ASPM: variants seen among roughly 807,000 people sequenced by gnomAD.
ASPM encodes the protein assembly factor for spindle microtubules.
Under a neutral mutation model 366.4 loss-of-function variants are expected in ASPM, and 256 were observed. That is an observed-to-expected ratio of 0.70 (90% confidence interval 0.63 to 0.77). ASPM has a LOEUF of 0.77. ASPM is among the 30% of genes least tolerant of loss of function. The pLI is 0.00. For missense variants in ASPM, 4,146 were observed against 4,090.4 expected, an observed-to-expected ratio of 1.01 and a Z score of -0.37; for synonymous variants, 1,414 against 1,342.9, an observed-to-expected ratio of 1.05 and a Z score of -1.16.
rs201881549 is a variant in ASPM at position 197,101,258 on chromosome 1, G to A, written c.7993C>T (p.Arg2665Cys). The change falls in exon 18 of 28, where the codon CGT (arginine) becomes TGT (cysteine). Residue 2665 changes from arginine (R) to cysteine (C), a missense_variant. By Grantham distance (180) the Arg-to-Cys change is radical (BLOSUM62 -3). This residue lies in a region of ASPM where 3,624 missense variants were observed against 3,591.7 expected (regional missense o/e 1.01). Coordinates refer to ENST00000367409, the MANE Select transcript of ASPM (RefSeq NM_018136.5). ...QRRYRKLTAV[R>C]TQAVICIQSY... ...TGTATACAAATAACTGCTTGGGTAC[G>A]CACTGCAGTTAGTTTTCTGTATCTT... is the stretch of plus-strand genomic sequence containing the variant. 34 of 1,611,440 alleles carry A rather than the reference G, an allele frequency of 2.1e-5. 2 individuals are homozygous for A. The highest frequency in any genetic ancestry group is 1.8e-4 in the East Asian group (8 of 44,746).
rs1216253586 is a variant in ASPM, at chr1:197,128,685, A to C, written c.2761-20T>G. On this transcript the variant is annotated intron_variant, in intron 9 of 27. Coordinates refer to ENST00000367409, the MANE Select transcript of ASPM (RefSeq NM_018136.5). ...ACTAGCCTATAAAGAAATAAGTTCCAGATATTATATTCCAATATTATAATT... is the reference window on the plus strand; with the variant it reads ...ACTAGCCTATAAAGAAATAAGTTCCCGATATTATATTCCAATATTATAATT... 6.4e-7 allele frequency: 1 copy of C among 1,561,342 alleles called. No homozygotes were observed. The highest frequency in any genetic ancestry group is 2.3e-5 in the East Asian group (1 of 42,996).
Position 197,122,048 on chromosome 1 carries a change from A to C in ASPM, c.3742-5T>G, listed in dbSNP as rs769619335. On this transcript the variant is annotated splice_region_variant and splice_polypyrimidine_tract_variant and intron_variant, in intron 15 of 27. Transcript: ENST00000367409. ...TGACAAATAGGTAATAACCACCTAA[A>C]AAAAACCCACAAAAGATAAAAACAG... 1 of 1,611,742 alleles carries C rather than the reference A, an allele frequency of 6.2e-7. No individual in the cohort carries two copies. The highest frequency in any genetic ancestry group is 1.1e-5 in the South Asian group (1 of 90,958).
Position 197,101,168 on chromosome 1 carries a change from T to A in ASPM, c.8083A>T (p.Ile2695Phe). ...CTGTGCATTCGATAGAATGACTGAA[T>A]TAGTGTGGCAGCCCGGTGCATATTT... The part of the protein sequence containing the change: ...IQNMHRAATL[I>F]QSFYRMHRAK... Residue 2695 changes from isoleucine (I) to phenylalanine (F), a missense_variant, in exon 18 of 28, where the codon ATT (isoleucine) becomes TTT (phenylalanine). Coordinates refer to ENST00000367409, the MANE Select transcript of ASPM (RefSeq NM_018136.5). 1 of 1,612,486 alleles carries A rather than the reference T, an allele frequency of 6.2e-7. No individual in the cohort carries two copies. The highest frequency in any genetic ancestry group is 8.5e-7 in the Non-Finnish European group (1 of 1,179,100).
Position 197,144,246 on chromosome 1 carries a change from C to A in ASPM, c.298-146G>T, listed in dbSNP as rs898790577. 1.9e-5 allele frequency: 11 copies of A among 593,960 alleles called. No individual in the cohort carries two copies. The South Asian group carries it at 2.5e-4, about 14-fold the overall frequency. The allele number at this position is 593,960 out of a possible 1,614,324, so 36.8% of individuals were successfully genotyped here. On this transcript the variant is annotated intron_variant, in intron 1 of 27. Coordinates refer to ENST00000367409, the MANE Select transcript of ASPM (RefSeq NM_018136.5). ...AACATTTAATAAATCAAATATATTT[C>A]TCCTACCCTATCTGCTTAATTATAA...
intron 4 of ASPM, chr1:197,138,758 C>T (rs922073409): frequency 2.5e-5 from 18 of 721,708 alleles, no homozygotes; most frequent in South Asian, 1.1e-4. Context: ...TTATTTCTTA[C>T]GATGTTTGTC....
intron 17 of ASPM, among the ~76,000 whole-genome samples, chr1:197,112,801 T>G (rs774671528): frequency 1.3e-4 from 20 of 152,078 alleles, no homozygotes; most frequent in Admixed American, 2.6e-4. Flanking sequence ...CTCCCTAAAA[T>G]GTATAAAACC....
intron 4 of ASPM, among the ~76,000 whole-genome samples, chr1:197,137,400 A>G (rs1343174018): frequency 6.6e-6 from 1 of 152,196 alleles, no homozygotes; most frequent in East Asian, 1.9e-4. Context: ...AAGACCATTT[A>G]GTAAAATTTT....
chr1:197,098,019 C>G (rs115407329), intron 18 of ASPM, among the ~76,000 whole-genome samples: 2,782 of 149,440 alleles, frequency 0.019, 90 homozygotes, highest in African/African-American at 0.064. Flanking sequence ...TATATATACA[C>G]ACACACACAT....
intron 27 of ASPM, among the ~76,000 whole-genome samples, chr1:197,085,393 C>T (rs374073628): frequency 6.6e-6 from 1 of 152,120 alleles, no homozygotes; most frequent in East Asian, 1.9e-4. Context: ...AGTTTATAAT[C>T]TCAAACTTAT....
chr1:197,128,533 C>A lies in ASPM; in HGVS notation c.2893G>T (p.Val965Phe), dbSNP rs778251863. 6.2e-7 allele frequency: 1 copy of A among 1,613,760 alleles called. No individual in the cohort carries two copies. Among genetic ancestry groups the A allele is most frequent in the Admixed American group, 1.7e-5 (1 of 59,992 alleles). The change falls in exon 10 of 28, where the codon GTT (valine) becomes TTT (phenylalanine). Residue 965 changes from valine (V) to phenylalanine (F), a missense_variant. Transcript: ENST00000367409. The part of the protein sequence containing the change: ...QTPFDEFDFA[V>F]TNLAVDLQCG... The stretch of plus-strand genomic sequence containing the variant: ...TGCAAGTCTACGGCAAGATTTGTAA[C>A]GGCAAAATCAAATTCATCAAATGGT...
chr1:197,100,748 T>C lies in ASPM; in HGVS notation c.8503A>G (p.Thr2835Ala). ...ATCCGTAGGGCAGCACATTTCTGTG[T>C]TTCCAGTTTTCTTGTGACCATTCTA... is the stretch of plus-strand genomic sequence containing the variant. ...FCRMVTRKLE[T>A]QKCAALRIQF... The change falls in exon 18 of 28, where the codon ACA becomes GCA. Residue 2835 changes from threonine to alanine, a missense_variant. Physicochemically the swap from Thr to Ala is moderately conservative, Grantham distance 58. This residue lies in a region of ASPM where 3,624 missense variants were observed against 3,591.7 expected (regional missense o/e 1.01). Transcript: ENST00000367409. 3 of 1,612,492 alleles carry C rather than the reference T, an allele frequency of 1.9e-6. No individual in the cohort carries two copies. Among genetic ancestry groups the C allele is most frequent in the Non-Finnish European group, 2.5e-6 (3 of 1,179,106 alleles).
chr1:197,143,004 T>G lies in ASPM; in HGVS notation c.1248A>C (p.Ser416=), dbSNP rs142271395. The G allele has an allele frequency of 3.7e-6, 6 of 1,613,710 alleles. No individual in the cohort carries two copies. Among genetic ancestry groups the G allele is most frequent in the Non-Finnish European group, 5.1e-6 (6 of 1,179,804 alleles). The stretch of plus-strand genomic sequence containing the variant: ...ACTGTGGGACTTGAGAATTTTCATT[T>G]GATAATGGTACTTTACATGTTTGCT... ...TSQQTCKVPL[S]NENSQVPQSP... The change falls in exon 3 of 28, where the codon TCA becomes TCC. Residue 416 remains serine (S), a synonymous_variant. Coordinates refer to ENST00000367409, the MANE Select transcript of ASPM (RefSeq NM_018136.5).
intron 10 of ASPM, among the ~76,000 whole-genome samples, chr1:197,128,122 C>T (rs992186934): frequency 1.3e-5 from 2 of 151,796 alleles, no homozygotes; most frequent in African/African-American, 4.8e-5. Context: ...CGAGACCTTG[C>T]CAGTGCCCTC....
In ASPM at chr1:197,121,978, A is replaced by G; in HGVS notation, c.3807T>C (p.Ala1269=). 1.2e-6 allele frequency: 2 copies of G among 1,611,486 alleles called. No homozygotes were observed. Among genetic ancestry groups the G allele is most frequent in the Middle Eastern group, 1.7e-4 (1 of 6,050 alleles). The change falls in exon 16 of 28, where the codon GCT becomes GCC. Residue 1269 remains alanine (A), a synonymous_variant. Coordinates refer to ENST00000367409, the MANE Select transcript of ASPM (RefSeq NM_018136.5). The part of the protein sequence containing the change: ...RLLDLRKEIR[A]ARLIQTTWRK... The stretch of plus-strand genomic sequence containing the variant: ...TCCATGTTGTTTGTATGAGTCGAGC[A>G]GCTCTTATTTCTTTACGAAGATCCA...
intron 4 of ASPM, among the ~76,000 whole-genome samples, chr1:197,136,607 G>A (rs1658427196): frequency 6.6e-6 from 1 of 151,804 alleles, no homozygotes; most frequent in South Asian, 2.1e-4. Flanking sequence ...AATTTTCATA[G>A]TAAACAAAAA....
rs1657478377 is a variant in ASPM, at chr1:197,108,419, AG to A, written c.4066-3235del. Among the ~76,000 whole-genome samples the A allele has an allele frequency of 2.6e-5, 4 of 152,208 alleles. No individual in the cohort carries two copies. In the South Asian group the frequency reaches 8.3e-4, roughly 32 times the overall value. On this transcript the variant is annotated intron_variant, in intron 17 of 27. Coordinates refer to ENST00000367409, the MANE Select transcript of ASPM (RefSeq NM_018136.5). ...ACTGAGCAGAGACCAATGAAGCCAA[AG>A]GGTTGTCCACTGAAAAGATCAAGAG...
Position 197,093,147 on chromosome 1 carries a change from C to T in ASPM, c.9199G>A (p.Glu3067Lys), listed in dbSNP as rs770005663. 2 of 1,612,252 alleles carry T rather than the reference C, an allele frequency of 1.2e-6. No homozygotes were observed. The highest frequency in any genetic ancestry group is 1.7e-6 in the Non-Finnish European group (2 of 1,178,836). The change falls in exon 21 of 28, where the codon GAG becomes AAG. Residue 3067 changes from glutamate (E) to lysine (K), a missense_variant. By Grantham distance (56) the Glu-to-Lys change is moderately conservative (BLOSUM62 1). This residue lies in a region of ASPM where 3,624 missense variants were observed against 3,591.7 expected (regional missense o/e 1.01). Transcript: ENST00000367409. ...TTTATCCTTTCATGCTTTCCAGCCT[C>T]CCTGGCTCGTATATATTTTTGTATG... is the stretch of plus-strand genomic sequence containing the variant. ...LIIQKYIRAR[E>K]AGKHERIKYI...
rs775402156 is a variant in ASPM, at chr1:197,124,110, C to G, written c.3390G>C (p.Lys1130Asn). 6.2e-7 allele frequency: 1 copy of G among 1,603,894 alleles called. No homozygotes were observed. Among genetic ancestry groups the G allele is most frequent in the Non-Finnish European group, 8.5e-7 (1 of 1,172,480 alleles). ...TAAAACAAAAAACAAAGAAACTTACCTTTTTATTATAGAAGGCACAAACAG... is the reference window on the plus strand; with the variant it reads ...TAAAACAAAAAACAAAGAAACTTACGTTTTTATTATAGAAGGCACAAACAG... ...VNAVCAFYNK[K>N]VENFTVSFSD... The change falls in exon 13 of 28, where the codon AAG (lysine) becomes AAC (asparagine). Residue 1130 changes from lysine to asparagine, a missense_variant and splice_region_variant. Transcript: ENST00000367409.
In ASPM at chr1:197,102,251, T is replaced by A; in HGVS notation, c.7000A>T (p.Met2334Leu). ...TGGATGAAAGTAGCAGCCCTGTGCATCTCTCGCATCCTTTTCCTTATCATC... is the reference window on the plus strand; with the variant it reads ...TGGATGAAAGTAGCAGCCCTGTGCAACTCTCGCATCCTTTTCCTTATCATC... ...RWMIRKRMREMHRAATFIQST... is the reference protein window; with the variant it reads ...RWMIRKRMRELHRAATFIQST... Residue 2334 changes from methionine (M) to leucine (L), a missense_variant, in exon 18 of 28, where the codon ATG (methionine) becomes TTG (leucine). Met to Leu is a conservative substitution (Grantham distance 15, BLOSUM62 2). Around this residue, in one of 3 missense-constraint regions of ASPM, gnomAD observed 3,624 missense variants for 3,591.7 expected, o/e 1.01. Transcript: ENST00000367409. 6.2e-7 allele frequency: 1 copy of A among 1,612,834 alleles called. No homozygotes were observed. The highest frequency in any genetic ancestry group is 8.5e-7 in the Non-Finnish European group (1 of 1,179,300).
Sources: gnomAD v4.1 joint callset for allele counts (sites outside exome capture counted in the v4.1 genomes callset) on GRCh38, gnomAD v4.1.1 for gene constraint, gnomAD v4.1.1 regional missense constraint, MANE v1.5 for transcripts, NCBI Gene and HGNC (gene_info 2026-07-23, HGNC 2026-07-21) for gene names.